NUMB: variants seen among roughly 807,000 people sequenced by gnomAD.
NUMB encodes the protein protein numb homolog.
A neutral mutation model predicts 59.7 loss-of-function variants in NUMB; 29 were observed. The observed-to-expected ratio is 0.49, with a 90% CI of 0.36 to 0.66. NUMB has a LOEUF of 0.66. Ranked by LOEUF, NUMB falls within the 30% of genes least tolerant of loss-of-function variation. The probability of loss-of-function intolerance (pLI) is 0.00; values close to 1 mark genes in which losing one functional copy is unlikely to be tolerated. For synonymous variants in NUMB, 288 were observed against 288.2 expected (o/e 1.00, Z 0.01); for missense variants, 723 against 822.0 (o/e 0.88, Z 1.47).
At chr14:73,385,783 T>C (rs910828307) in intron 2 of NUMB, among the ~76,000 whole-genome samples, 1 of 152,150 alleles carries the variant, frequency 6.6e-6, no homozygotes, top group Non-Finnish European at 1.5e-5. Flanking sequence ...ATTACAGGCA[T>C]GAGCCATCGT....
At chr14:73,341,824 ATATTATAAAACTACAATATAG>A (rs1892645791) in intron 4 of NUMB, among the ~76,000 whole-genome samples, 1 of 152,218 alleles carries the variant, frequency 6.6e-6, no homozygotes, top group Admixed American at 6.5e-5. Flanking sequence ...TGATAGTTTT[ATATTATAAAACTACAATATAG>A]TACTTAGGGA....
At chr14:73,371,483 C>T (rs1202254906) in intron 2 of NUMB, among the ~76,000 whole-genome samples, 2 of 151,592 alleles carry the variant, frequency 1.3e-5, no homozygotes, top group Middle Eastern at 3.4e-3. Context: ...TGCAGTGAGC[C>T]GAGATTGCGC....
At chr14:73,404,765 TTC>T (rs1896581325) in intron 2 of NUMB, among the ~76,000 whole-genome samples, 1 of 152,104 alleles carries the variant, frequency 6.6e-6, no homozygotes, top group African/African-American at 2.4e-5. Flanking sequence ...TAAAATGATT[TTC>T]TTTTTTTTTT....
chr14:73,281,358 AATGGTGCCTATTATTACCGGTATT>A, intron 11 of NUMB: 1 of 152,234 alleles, frequency 6.6e-6, no homozygotes. Flanking sequence ...GTGCTCAATA[AATGGTGCCTATTATTACCGGTATT>A]ATAAATGTTT....
chr14:73,416,210 T>A (rs1897120820), intron 1 of NUMB, among the ~76,000 whole-genome samples: 1 of 152,130 alleles, frequency 6.6e-6, no homozygotes, highest in African/African-American at 2.4e-5. Flanking sequence ...AAGCACAACA[T>A]ACAAGCTTTA....
chr14:73,377,627 C>T (rs1022440869), intron 2 of NUMB, among the ~76,000 whole-genome samples: 24 of 151,970 alleles, frequency 1.6e-4, no homozygotes, highest in African/African-American at 5.8e-4. Context: ...GTGACAGAGA[C>T]TCCGTCTCAA....
chr14:73,447,835 T>A (rs1410830607), intron 1 of NUMB, among the ~76,000 whole-genome samples: 1 of 149,176 alleles, frequency 6.7e-6, no homozygotes, highest in East Asian at 2.0e-4. Context: ...CAGGCTGGAG[T>A]GCAGTGGCAC....
chr14:73,395,632 A>C (rs1481240176), intron 2 of NUMB, among the ~76,000 whole-genome samples: 1 of 152,164 alleles, frequency 6.6e-6, no homozygotes, highest in Non-Finnish European at 1.5e-5. Context: ...AAAATAATAA[A>C]ATATTAAAAT....
At chr14:73,452,153 A>G (rs1210105779) in intron 1 of NUMB, among the ~76,000 whole-genome samples, 1 of 152,206 alleles carries the variant, frequency 6.6e-6, no homozygotes, top group Non-Finnish European at 1.5e-5. Flanking sequence ...TGAGACCAGG[A>G]GTTCAAGACC....
chr14:73,403,403 T>C (rs1896508175), intron 2 of NUMB, among the ~76,000 whole-genome samples: 1 of 152,224 alleles, frequency 6.6e-6, no homozygotes, highest in South Asian at 2.1e-4. Context: ...AGTAACTTCC[T>C]GGCTAATAAT....
chr14:73,387,101 C>G (rs1388676777), intron 2 of NUMB, among the ~76,000 whole-genome samples: 1 of 151,484 alleles, frequency 6.6e-6, no homozygotes, highest in South Asian at 2.1e-4. Flanking sequence ...CCGGGATGGT[C>G]TCGATCTCCT....
chr14:73,367,133 G>A (rs1274760926), intron 2 of NUMB, among the ~76,000 whole-genome samples, 152 bp from the exon 3 acceptor site: 1 of 151,684 alleles, frequency 6.6e-6, no homozygotes, highest in Non-Finnish European at 1.5e-5. Flanking sequence ...ATGATATACT[G>A]AAGATGATCA....
At chr14:73,450,521 G>A (rs1334989953) in intron 1 of NUMB, among the ~76,000 whole-genome samples, 4 of 152,238 alleles carry the variant, frequency 2.6e-5, no homozygotes, top group South Asian at 2.1e-4. Context: ...TAGGCTGGGC[G>A]CAGTGGCTCA....
chr14:73,384,616 G>A (rs1895406589), intron 2 of NUMB, among the ~76,000 whole-genome samples: 1 of 152,164 alleles, frequency 6.6e-6, no homozygotes, highest in African/African-American at 2.4e-5. Context: ...CGCCTACGCT[G>A]GAGTGCCATA....
At chr14:73,361,326 T>A (rs1894086764) in intron 3 of NUMB, among the ~76,000 whole-genome samples, 1 of 152,236 alleles carries the variant, frequency 6.6e-6, no homozygotes, top group South Asian at 2.1e-4. Context: ...AAAATAATCT[T>A]AACTAATGTA....
chr14:73,343,431 T>G (rs570952876), intron 4 of NUMB, among the ~76,000 whole-genome samples: 31 of 152,264 alleles, frequency 2.0e-4, no homozygotes, highest in Non-Finnish European at 3.7e-4. Context: ...GTAACTACGG[T>G]TGACATTGTT....
chr14:73,343,647 T>C (rs572180781), intron 4 of NUMB, among the ~76,000 whole-genome samples: 1 of 152,322 alleles, frequency 6.6e-6, no homozygotes, highest in South Asian at 2.1e-4. Context: ...CTTATCCTAA[T>C]ACAAAAAACA....
chr14:73,364,171 G>T (rs1189972145), intron 3 of NUMB, among the ~76,000 whole-genome samples: 1 of 152,152 alleles, frequency 6.6e-6, no homozygotes, highest in Admixed American at 6.6e-5. Context: ...CTACTAGGAA[G>T]AGAAATGCTT....
intron 2 of NUMB, among the ~76,000 whole-genome samples, chr14:73,389,736 A>C (rs990087278): frequency 2.0e-5 from 3 of 152,222 alleles, no homozygotes; most frequent in African/African-American, 7.2e-5. Context: ...CACATGAAGA[A>C]AATGACTTTG....
Sources: allele counts gnomAD v4.1 joint callset (sites outside exome capture counted in the v4.1 genomes callset), GRCh38; gene constraint gnomAD v4.1.1; transcripts MANE v1.5; gene names NCBI Gene and HGNC (gene_info 2026-07-23, HGNC 2026-07-21).